LPP: variants seen among roughly 807,000 people sequenced by gnomAD.
The protein encoded by LPP is LIM domain containing preferred translocation partner in lipoma, also known as lipoma-preferred partner.
In LPP, 38 loss-of-function variants were observed where a neutral mutation model predicts 60.4. The observed-to-expected ratio is 0.63, with a 90% CI of 0.49 to 0.83. The LOEUF (loss-of-function observed/expected upper bound fraction) is 0.83, where lower values mean the gene tolerates loss of function less well. Among genes scored for constraint, LPP ranks in the 40% least tolerant of loss-of-function variants. The probability of loss-of-function intolerance (pLI) is 0.00; values close to 1 mark genes in which losing one functional copy is unlikely to be tolerated. For synonymous variants in LPP, 328 were observed against 290.8 expected, an observed-to-expected ratio of 1.13 and a Z score of -1.30; for missense variants, 902 against 783.6, an observed-to-expected ratio of 1.15 and a Z score of -1.80.
At position 188,719,131 on chromosome 3, in the gene LPP, A is replaced by C. The variant is rs150782829; in HGVS notation, c.1240+10738A>C. Reference sequence around the variant, plus strand: ...TATCTTCTGTGAAATTTAAAGGTTCAACTGGTCAATGAAGAGAGTACTTGG... The same window carrying C: ...TATCTTCTGTGAAATTTAAAGGTTCCACTGGTCAATGAAGAGAGTACTTGG... On this transcript the variant is annotated intron_variant, in intron 8 of 11. Transcript: ENST00000617246. Among the ~76,000 whole-genome samples, 69 of 152,292 alleles carry C rather than the reference A, an allele frequency of 4.5e-4. 1 individual carries two copies. The highest frequency in any genetic ancestry group is 1.7e-3 in the African/African-American group (69 of 41,558).
intron 2 of LPP, among the ~76,000 whole-genome samples, chr3:188,253,284 C>T (rs1025534286): frequency 5.3e-5 from 8 of 152,018 alleles, no homozygotes; most frequent in Non-Finnish European, 1.2e-4. Flanking sequence ...AGAATCATTT[C>T]TTTTATTGCT....
chr3:188,292,822 A>T (rs781388313), intron 2 of LPP, among the ~76,000 whole-genome samples: 26 of 151,938 alleles, frequency 1.7e-4, no homozygotes, highest in Non-Finnish European at 2.8e-4. Context: ...TTGACAGATG[A>T]CCTCCTTGAC....
intron 5 of LPP, among the ~76,000 whole-genome samples, chr3:188,499,570 C>T (rs1196558486): frequency 6.6e-6 from 1 of 152,104 alleles, no homozygotes; most frequent in Non-Finnish European, 1.5e-5. Context: ...CCTTTTTACT[C>T]AGGATTGTTC....
intron 9 of LPP, among the ~76,000 whole-genome samples, chr3:188,785,547 T>TATATATATTCCATCATATATATATATAC (rs1206082559): frequency 2.3e-5 from 1 of 43,832 alleles, no homozygotes; most frequent in Non-Finnish European, 4.1e-5. Flanking sequence ...TATATATATA[T>TATATATATTCCATCATATATATATATAC]ACACACACAC....
At chr3:188,708,003 T>A (rs1395319908) in intron 7 of LPP, among the ~76,000 whole-genome samples, 1 of 152,258 alleles carries the variant, frequency 6.6e-6, no homozygotes, top group Non-Finnish European at 1.5e-5. Flanking sequence ...ACTTAGCAAT[T>A]GTTGAACAAA....
In LPP at chr3:188,824,576, G is replaced by C. The variant is rs144665062; in HGVS notation, c.1411-41624G>C. Reference sequence around the variant, plus strand: ...CTGTTTGGGGATGGTATCACCTTGAGTTGGTCTGTGACCTGCTGGGAGTAA... The same window carrying C: ...CTGTTTGGGGATGGTATCACCTTGACTTGGTCTGTGACCTGCTGGGAGTAA... On this transcript the variant is annotated intron_variant, in intron 9 of 11. Transcript: ENST00000617246. 8.5e-5 allele frequency among the ~76,000 whole-genome samples: 13 copies of C among 152,160 alleles called. No homozygotes were observed. In the East Asian group the frequency reaches 2.5e-3, roughly 29 times the overall value.
At chr3:188,269,221 T>C (rs1006277597) in intron 2 of LPP, among the ~76,000 whole-genome samples, 7 of 152,238 alleles carry the variant, frequency 4.6e-5, no homozygotes, top group Non-Finnish European at 8.8e-5. Flanking sequence ...TGCTGTTCCT[T>C]CTACTTCCTT....
chr3:188,292,638 G>A (rs1746393313), intron 2 of LPP, among the ~76,000 whole-genome samples: 1 of 152,188 alleles, frequency 6.6e-6, no homozygotes, highest in South Asian at 2.1e-4. Flanking sequence ...TAAGCCTAGT[G>A]CTGTATTATT....
intron 5 of LPP, among the ~76,000 whole-genome samples, chr3:188,507,412 G>A (rs1184232098): frequency 6.6e-6 from 1 of 152,032 alleles, no homozygotes; most frequent in African/African-American, 2.4e-5. Context: ...TCTGTTCATG[G>A]CAGTCTGGCA....
rs376357516 is a variant in LPP at position 188,484,567 on chromosome 3, C to A, written c.194-25C>A. 4.6e-6 allele frequency: 7 copies of A among 1,510,724 alleles called. No homozygotes were observed. In the African/African-American group the frequency reaches 8.3e-5, roughly 18 times the overall value. The allele number at this position is 1,510,724 out of a possible 1,614,324, so 93.6% of individuals were successfully genotyped here. A position where few individuals can be genotyped will look rare whatever the true frequency, so the allele number is the denominator to read the frequency against. Reference sequence around the variant, plus strand: ...TATAACGTTGCATCCTTATTAACTTCATGTTGTTTACTTCTTTTCTGTAGG... The same window carrying A: ...TATAACGTTGCATCCTTATTAACTTAATGTTGTTTACTTCTTTTCTGTAGG... On this transcript the variant is annotated intron_variant, in intron 4 of 11. Transcript: ENST00000617246.
chr3:188,278,048 T>C (rs567809007), intron 2 of LPP, among the ~76,000 whole-genome samples: 1 of 152,350 alleles, frequency 6.6e-6, no homozygotes, highest in Admixed American at 6.5e-5. Context: ...CCCCAGCCTC[T>C]CTTTCGATCA....
intron 4 of LPP, among the ~76,000 whole-genome samples, chr3:188,447,991 G>A (rs1247179857): frequency 6.6e-6 from 1 of 152,172 alleles, no homozygotes; most frequent in Non-Finnish European, 1.5e-5. Context: ...ATTGGAGGTT[G>A]TTTTCAAACT....
At chr3:188,805,365 G>A (rs1748777118) in intron 9 of LPP, among the ~76,000 whole-genome samples, 1 of 151,870 alleles carries the variant, frequency 6.6e-6, no homozygotes, top group Non-Finnish European at 1.5e-5. Context: ...TTTTATTCTT[G>A]TTAATTGACA....
chr3:188,568,912 G>GCTT (rs1217357930), intron 6 of LPP: 6 of 152,112 alleles, frequency 3.9e-5, no homozygotes, highest in African/African-American at 1.4e-4. Flanking sequence ...GGGAACTTAC[G>GCTT]CTTCAGTAGG....
At chr3:188,308,577 T>G (rs951581596) in intron 2 of LPP, among the ~76,000 whole-genome samples, 3 of 152,170 alleles carry the variant, frequency 2.0e-5, no homozygotes, top group African/African-American at 7.2e-5. Flanking sequence ...CCAACTCCAG[T>G]GTAAACAGTG....
intron 2 of LPP, among the ~76,000 whole-genome samples, chr3:188,317,212 G>A (rs916137850): frequency 1.8e-4 from 27 of 151,544 alleles, no homozygotes; most frequent in African/African-American, 6.0e-4. Context: ...ACCAGAATCA[G>A]TTGGAAAACT....
At chr3:188,772,947 C>A (rs572850646) in intron 9 of LPP, among the ~76,000 whole-genome samples, 7 of 152,204 alleles carry the variant, frequency 4.6e-5, no homozygotes, top group Non-Finnish European at 1.0e-4. Flanking sequence ...GAGAACTTGG[C>A]TCTGAGAGAC....
rs918761930 is a variant in LPP, at chr3:188,550,344, C to T, written c.429+25557C>T. Among the ~76,000 whole-genome samples the T allele has an allele frequency of 7.9e-5, 12 of 151,992 alleles. No homozygotes were observed. The South Asian group carries it at 2.3e-3, about 29-fold the overall frequency. On this transcript the variant is annotated intron_variant, in intron 6 of 11. Transcript: ENST00000617246. ...CTGTAATCCCAGCACTTTGGGAGGCCGAGGCGGGTGGATCACAAGGTCAGG... is the reference window on the plus strand; with the variant it reads ...CTGTAATCCCAGCACTTTGGGAGGCTGAGGCGGGTGGATCACAAGGTCAGG...
At chr3:188,497,516 A>G (rs13321568) in intron 5 of LPP, among the ~76,000 whole-genome samples, 25,391 of 152,126 alleles carry the variant, frequency 0.17, 2,858 homozygotes, top group East Asian at 0.43. Context: ...GGTATGGTGT[A>G]TATTGAAAAG....
Sources: gnomAD v4.1 joint callset for allele counts (sites outside exome capture counted in the v4.1 genomes callset) on GRCh38, gnomAD v4.1.1 for gene constraint, MANE v1.5 for transcripts, NCBI Gene and HGNC (gene_info 2026-07-23, HGNC 2026-07-21) for gene names.